The following MYO1E variants were observed in gnomAD, a reference collection of about 807,000 sequenced individuals.
MYO1E encodes unconventional myosin-Ie.
Under a neutral mutation model 151.1 loss-of-function variants are expected in MYO1E, and 68 were observed. The ratio of observed to expected loss-of-function variants is 0.45; its 90% confidence interval spans 0.37 to 0.55. The LOEUF is 0.55. Ranked by LOEUF, MYO1E falls within the 20% of genes least tolerant of loss-of-function variation. The pLI is 0.00. For synonymous variants in MYO1E, 601 were observed against 501.7 expected (o/e 1.20, Z -2.64); for missense variants, 1,363 against 1,389.3 (o/e 0.98, Z 0.30).
In MYO1E at chr15:59,218,019, G is replaced by T. The variant is rs1427276872; in HGVS notation, c.979C>A (p.Gln327Lys). 3.1e-6 allele frequency: 5 copies of T among 1,614,076 alleles called. No homozygotes were observed. In the African/African-American group the frequency reaches 6.7e-5, roughly 22 times the overall value. ...DRLKEKLTSR[Q>K]MDSKWGGKSE... ...TTGCCTCCCCACTTGCTATCCATCT[G>T]CCGGCTTGTTAGCTTTTCTTTCAAC... Residue 327 changes from glutamine (Q) to lysine (K), a missense_variant, in exon 10 of 28, where the codon CAG (glutamine) becomes AAG (lysine). By Grantham distance (53) the Gln-to-Lys change is moderately conservative. Coordinates refer to ENST00000288235, the MANE Select transcript of MYO1E (RefSeq NM_004998.4).
chr15:59,205,819 G>C (rs1327028126), intron 14 of MYO1E, among the ~76,000 whole-genome samples: 1 of 152,172 alleles, frequency 6.6e-6, no homozygotes, highest in African/African-American at 2.4e-5. Context: ...ATCCATAGGG[G>C]TGTCTAAGTG....
intron 1 of MYO1E, among the ~76,000 whole-genome samples, chr15:59,306,699 G>C (rs779553696): frequency 2.6e-5 from 4 of 152,176 alleles, no homozygotes; most frequent in Non-Finnish European, 5.9e-5. Context: ...TATCCCTTAG[G>C]TTTGCAAAAC....
rs1236464781 is a variant in MYO1E at position 59,134,193 on chromosome 15, A to G, written c.*3187T>C. 2 of 152,232 alleles carry G rather than the reference A, an allele frequency of 1.3e-5. No homozygotes were observed. The highest frequency in any genetic ancestry group is 6.6e-5 in the Admixed American group (1 of 15,258). 9.4% of individuals were successfully genotyped at this position (152,232 alleles called of 1,614,324 possible). ...GGAGGAAACTGCACGATGCTTTTCT[A>G]CCTTCATTGGGCTGGACTTGGTAGT... On this transcript the variant is annotated 3_prime_UTR_variant, in exon 28 of 28. Transcript: ENST00000288235.
intron 1 of MYO1E, among the ~76,000 whole-genome samples, chr15:59,343,799 C>G (rs8041804): frequency 0.74 from 112,533 of 151,822 alleles, 44,272 homozygotes; most frequent in Non-Finnish European, 0.88. Context: ...CTAACAGACT[C>G]TGACGCATTC....
intron 1 of MYO1E, among the ~76,000 whole-genome samples, chr15:59,296,487 A>T (rs537084909): frequency 6.6e-6 from 1 of 152,332 alleles, no homozygotes; most frequent in South Asian, 2.1e-4. Context: ...GCTCCTACCA[A>T]CACAGGCCAG....
Position 59,252,463 on chromosome 15 carries a change from C to T in MYO1E, c.332+3821G>A, listed in dbSNP as rs373657836. On this transcript the variant is annotated intron_variant, in intron 4 of 27. Coordinates refer to ENST00000288235, the MANE Select transcript of MYO1E (RefSeq NM_004998.4). Reference sequence around the variant, plus strand: ...GGTGCAGTGGCTCATGCCTGTAATCCTAGCAATTTGGGAGGCTAAGACAGG... The same window carrying T: ...GGTGCAGTGGCTCATGCCTGTAATCTTAGCAATTTGGGAGGCTAAGACAGG... Among the ~76,000 whole-genome samples, 526 of 152,200 alleles carry T rather than the reference C, an allele frequency of 3.5e-3. 2 individuals are homozygous for T. The highest frequency in any genetic ancestry group is 0.012 in the South Asian group (60 of 4,820).
chr15:59,310,265 G>A (rs186546218), intron 1 of MYO1E, among the ~76,000 whole-genome samples: 8 of 152,168 alleles, frequency 5.3e-5, no homozygotes, highest in Non-Finnish European at 7.4e-5. Context: ...AAGGTGCAGC[G>A]AAGTGTGTAT....
chr15:59,341,968 TCATTTATA>T (rs1426691316), intron 1 of MYO1E, among the ~76,000 whole-genome samples: 1 of 152,220 alleles, frequency 6.6e-6, no homozygotes, highest in East Asian at 1.9e-4. Context: ...GTGGCTATAC[TCATTTATA>T]TTTCCACCAA....
At chr15:59,192,943 T>C in intron 17 of MYO1E, among the ~76,000 whole-genome samples, 1 of 152,148 alleles carries the variant, frequency 6.6e-6, no homozygotes, top group Non-Finnish European at 1.5e-5. Context: ...TCTGGAAGCC[T>C]TCATTCTGTC....
intron 1 of MYO1E, among the ~76,000 whole-genome samples, chr15:59,335,924 A>G (rs377452399): frequency 2.2e-4 from 33 of 152,070 alleles, no homozygotes; most frequent in East Asian, 2.1e-3. Flanking sequence ...TGCCTTTCCA[A>G]TGAGAACCCG....
intron 25 of MYO1E, among the ~76,000 whole-genome samples, chr15:59,154,696 T>C (rs2079500298): frequency 6.6e-6 from 1 of 152,240 alleles, no homozygotes; most frequent in Non-Finnish European, 1.5e-5. Context: ...CTGAGAGCTA[T>C]ACTGATCATG....
chr15:59,250,732 T>C (rs7173866), intron 4 of MYO1E, among the ~76,000 whole-genome samples: 148,933 of 152,218 alleles, frequency 0.98, 72,940 homozygotes, highest in East Asian at 1. Context: ...GAGGCCTGTG[T>C]CCTTAACCTG....
At chr15:59,310,996 T>C (rs2140410505) in intron 1 of MYO1E, among the ~76,000 whole-genome samples, 1 of 152,210 alleles carries the variant, frequency 6.6e-6, no homozygotes, top group African/African-American at 2.4e-5. Context: ...CATGTACTCA[T>C]GATCATCTTC....
chr15:59,141,439 A>G (rs2079408471), intron 26 of MYO1E, among the ~76,000 whole-genome samples: 1 of 152,248 alleles, frequency 6.6e-6, no homozygotes, highest in African/African-American at 2.4e-5. Context: ...TATAATGTAA[A>G]TGCTATGTAA....
At chr15:59,321,755 G>C (rs2080627597) in intron 1 of MYO1E, among the ~76,000 whole-genome samples, 1 of 152,070 alleles carries the variant, frequency 6.6e-6, no homozygotes, top group African/African-American at 2.4e-5. Flanking sequence ...ACAAAAATTT[G>C]CCAGAAGGCT....
chr15:59,351,706 GA>G (rs1259666891), intron 1 of MYO1E, among the ~76,000 whole-genome samples: 1 of 151,220 alleles, frequency 6.6e-6, no homozygotes, highest in Non-Finnish European at 1.5e-5. Context: ...CTGTGAAAAG[GA>G]AGGGGGAGTC....
chr15:59,332,672 C>G (rs2080704826), intron 1 of MYO1E, among the ~76,000 whole-genome samples: 1 of 152,100 alleles, frequency 6.6e-6, no homozygotes, highest in Admixed American at 6.5e-5. Context: ...TTTGCTACTA[C>G]TGAACAGAAG....
rs59491381 is a variant in MYO1E at position 59,319,550 on chromosome 15, CTTTTTTTTTTTTTTTTT to C, written c.4-47118_4-47102del. Among the ~76,000 whole-genome samples, 293 of 63,738 alleles carry C rather than the reference CTTTTTTTTTTTTTTTTT, an allele frequency of 4.6e-3. 6 individuals carry two copies. The highest frequency in any genetic ancestry group is 0.025 in the East Asian group (50 of 2,020). 41.8% of individuals were successfully genotyped at this position (63,738 alleles called of 152,430 possible). A position where few individuals can be genotyped will look rare whatever the true frequency, so the allele number is the denominator to read the frequency against. ...AAGATAGGAAAAGAAGTCAAACTAC[CTTTTTTTTTTTTTTTTT>C]TTTTTTTTTTTTTTGGCTGATGTTA... On this transcript the variant is annotated intron_variant, in intron 1 of 27. Coordinates refer to ENST00000288235, the MANE Select transcript of MYO1E (RefSeq NM_004998.4).
intron 26 of MYO1E, among the ~76,000 whole-genome samples, chr15:59,151,848 C>T (rs1391919160): frequency 6.6e-6 from 1 of 151,968 alleles, no homozygotes; most frequent in Non-Finnish European, 1.5e-5. Context: ...GAGATCAAGA[C>T]CATCCTGGCC....
Sources: allele counts gnomAD v4.1 joint callset (sites outside exome capture counted in the v4.1 genomes callset), GRCh38; gene constraint gnomAD v4.1.1; transcripts MANE v1.5; gene names NCBI Gene and HGNC (gene_info 2026-07-23, HGNC 2026-07-21).